Variants in SHISA9 observed in about 807,000 individuals in gnomAD.
SHISA9 encodes the protein shisa family member 9.
Under a neutral mutation model 38.0 loss-of-function variants are expected in SHISA9, and 13 were observed. The ratio of observed to expected loss-of-function variants is 0.34; its 90% CI spans 0.22 to 0.54. SHISA9 has a LOEUF of 0.54. SHISA9 is among the 20% of genes least tolerant of loss of function. The pLI, the probability that SHISA9 is intolerant of heterozygous loss-of-function variation, is 0.91. For missense variants in SHISA9, 538 were observed against 575.8 expected (o/e 0.93, Z 0.67); for synonymous variants, 275 against 242.0 (o/e 1.14, Z -1.27).
chr16:13,527,218 T>C, the SHISA9 span, among the ~76,000 whole-genome samples: 1 of 152,188 alleles, frequency 6.6e-6, no homozygotes, highest in Admixed American at 6.5e-5. Context: ...ATAAGTTTTC[T>C]TATAAAGGAG....
the SHISA9 span, among the ~76,000 whole-genome samples, chr16:13,520,555 A>G: frequency 2.3e-3 from 315 of 136,402 alleles, 2 homozygotes; most frequent in African/African-American, 8.1e-3. Flanking sequence ...GTGAGCTGAG[A>G]TGGCGCCATT....
chr16:13,329,277 G>A, the SHISA9 span, among the ~76,000 whole-genome samples: 1 of 152,110 alleles, frequency 6.6e-6, no homozygotes, highest in Non-Finnish European at 1.5e-5. Flanking sequence ...GCAAGCGAGA[G>A]AGCTGTTCTC....
chr16:13,216,998 G>A (rs1248467908), intron 4 of SHISA9, among the ~76,000 whole-genome samples: 1 of 151,968 alleles, frequency 6.6e-6, no homozygotes, highest in East Asian at 1.9e-4. Context: ...TGGGCTGGGC[G>A]CGGTGGCTCA....
At position 12,901,962 on chromosome 16, in the gene SHISA9, C is replaced by G. The variant is rs868445913; in HGVS notation, c.-103C>G. 2 of 1,024,868 alleles carry G rather than the reference C, an allele frequency of 2.0e-6. No individual in the cohort carries two copies. The highest frequency in any genetic ancestry group is 2.5e-6 in the Non-Finnish European group (2 of 788,530). The allele number at this position is 1,024,868 out of a possible 1,614,324, so 63.5% of individuals were successfully genotyped here. ...CCTGCATGTGCGGCCCGCGGCGGCTCGCAGCTCCCGGCAGCAGCCTCGGCA... is the reference window on the plus strand; with the variant it reads ...CCTGCATGTGCGGCCCGCGGCGGCTGGCAGCTCCCGGCAGCAGCCTCGGCA... On this transcript the variant is annotated 5_prime_UTR_variant, in exon 1 of 5. Transcript: ENST00000558583.
At chr16:13,077,786 T>G (rs1165609785) in intron 2 of SHISA9, among the ~76,000 whole-genome samples, 1 of 149,030 alleles carries the variant, frequency 6.7e-6, no homozygotes, top group Non-Finnish European at 1.5e-5. Flanking sequence ...GAAGTTGGAG[T>G]GCAACAGCTG....
chr16:13,007,646 C>A (rs984845191), intron 2 of SHISA9, among the ~76,000 whole-genome samples: 1 of 152,222 alleles, frequency 6.6e-6, no homozygotes, highest in African/African-American at 2.4e-5. Flanking sequence ...TGAACCATCC[C>A]TCTCTAACTC....
At chr16:13,495,896 A>G in the SHISA9 span, among the ~76,000 whole-genome samples, 1 of 152,170 alleles carries the variant, frequency 6.6e-6, no homozygotes, top group Non-Finnish European at 1.5e-5. Context: ...GTCAAAGATC[A>G]AAGACATGAA....
chr16:12,974,514 T>A lies in SHISA9; in HGVS notation c.691+57699T>A, dbSNP rs144364631. 6.4e-3 allele frequency among the ~76,000 whole-genome samples: 847 copies of A among 133,106 alleles called. 8 individuals are homozygous for A. Among genetic ancestry groups the A allele is most frequent in the African/African-American group, 0.021 (765 of 35,866 alleles). 87.3% of individuals were successfully genotyped at this position (133,106 alleles called of 152,430 possible). On this transcript the variant is annotated intron_variant, in intron 2 of 4. Coordinates refer to ENST00000558583, the MANE Select transcript of SHISA9 (RefSeq NM_001145204.3). ...TTTTTTTTTTTTTTTTTTCCGGAGTTTCGCTCTGTCGCCCAGGCTGGAGTG... is the reference window on the plus strand; with the variant it reads ...TTTTTTTTTTTTTTTTTTCCGGAGTATCGCTCTGTCGCCCAGGCTGGAGTG...
chr16:13,378,120 T>G, the SHISA9 span, among the ~76,000 whole-genome samples: 1 of 152,200 alleles, frequency 6.6e-6, no homozygotes, highest in Admixed American at 6.5e-5. Flanking sequence ...AGAGCTAGGA[T>G]AGATGATGTC....
chr16:13,410,132 A>G, the SHISA9 span, among the ~76,000 whole-genome samples: 1 of 152,224 alleles, frequency 6.6e-6, no homozygotes, highest in Non-Finnish European at 1.5e-5. Flanking sequence ...CAGTGAAACA[A>G]GTCTTTGACC....
At chr16:13,268,292 T>A in the SHISA9 span, among the ~76,000 whole-genome samples, 1 of 152,236 alleles carries the variant, frequency 6.6e-6, no homozygotes, top group South Asian at 2.1e-4. Flanking sequence ...AGTATATCAC[T>A]GGAGGTCAGG....
At chr16:13,546,610 T>C in the SHISA9 span, among the ~76,000 whole-genome samples, 3 of 152,186 alleles carry the variant, frequency 2.0e-5, no homozygotes, top group Admixed American at 2.0e-4. Flanking sequence ...GATTATAAGA[T>C]TTCCTGATGC....
chr16:13,431,273 T>C, the SHISA9 span, among the ~76,000 whole-genome samples: 4 of 152,224 alleles, frequency 2.6e-5, no homozygotes, highest in Non-Finnish European at 5.9e-5. Context: ...TGTTCACCTT[T>C]GTAGCCATGG....
chr16:13,046,413 G>C (rs539569972), intron 2 of SHISA9, among the ~76,000 whole-genome samples: 47 of 152,250 alleles, frequency 3.1e-4, no homozygotes, highest in African/African-American at 8.2e-4. Context: ...AGGCCTTCTT[G>C]GGCCTGCCCT....
At chr16:13,264,425 G>T in the SHISA9 span, among the ~76,000 whole-genome samples, 1 of 151,952 alleles carries the variant, frequency 6.6e-6, no homozygotes, top group Non-Finnish European at 1.5e-5. Context: ...CGCCCCCCTC[G>T]GCTTCCCAAA....
At chr16:13,224,542 C>T (rs549401061) in intron 4 of SHISA9, among the ~76,000 whole-genome samples, 31 of 152,312 alleles carry the variant, frequency 2.0e-4, no homozygotes, top group Middle Eastern at 3.4e-3. Context: ...TCTTTCATCA[C>T]GTGCATATTA....
rs544678281 is a variant in SHISA9 at position 13,074,790 on chromosome 16, G to C, written c.692-128604G>C. ...ATAGATTCTCCTGCCTCAGCCTCCC[G>C]AGCAGCTGGGATTACAGGCACATGC... On this transcript the variant is annotated intron_variant, in intron 2 of 4. Transcript: ENST00000558583. Among the ~76,000 whole-genome samples, 33 of 150,776 alleles carry C rather than the reference G, an allele frequency of 2.2e-4. No individual in the cohort carries two copies. The East Asian group carries it at 5.7e-3, about 26-fold the overall frequency.
intron 4 of SHISA9, among the ~76,000 whole-genome samples, chr16:13,215,730 G>A (rs952068581): frequency 1.8e-4 from 28 of 152,140 alleles, no homozygotes; most frequent in African/African-American, 6.8e-4. Context: ...CTTGTCGGGG[G>A]AGAGGAAAAG....
At chr16:13,177,816 A>G (rs556045034) in intron 2 of SHISA9, among the ~76,000 whole-genome samples, 23 of 152,214 alleles carry the variant, frequency 1.5e-4, no homozygotes, top group African/African-American at 4.3e-4. Flanking sequence ...ACTACAGGCA[A>G]TCGCCACCAT....
Sources: allele counts gnomAD v4.1 joint callset (sites outside exome capture counted in the v4.1 genomes callset), GRCh38; gene constraint gnomAD v4.1.1; transcripts MANE v1.5; gene names NCBI Gene and HGNC (gene_info 2026-07-23, HGNC 2026-07-21).